Variants in LDB2 observed in about 807,000 individuals in gnomAD.
LDB2 encodes LIM domain-binding protein 2.
A neutral mutation model predicts 44.3 loss-of-function variants in LDB2; 12 were observed. That is an observed-to-expected ratio of 0.27 (90% confidence interval 0.17 to 0.44). The LOEUF (loss-of-function observed/expected upper bound fraction) is 0.44. Among genes scored for constraint, LDB2 ranks in the 20% least tolerant of loss-of-function variants. LDB2 has a pLI of 1.00. For missense variants in LDB2, 344 were observed against 473.5 expected (o/e 0.73, Z 2.54); for synonymous variants, 164 against 174.8 (o/e 0.94, Z 0.49).
chr4:16,623,013 T>A (rs1729308050), intron 2 of LDB2, among the ~76,000 whole-genome samples: 1 of 152,192 alleles, frequency 6.6e-6, no homozygotes, highest in Non-Finnish European at 1.5e-5. Context: ...CACTATTCTA[T>A]TCCAAAACCA....
chr4:16,775,833 A>G (rs1021255852), intron 1 of LDB2, among the ~76,000 whole-genome samples: 1 of 152,142 alleles, frequency 6.6e-6, no homozygotes, highest in African/African-American at 2.4e-5. Context: ...GCAAAAGAGC[A>G]AGGACCTATC....
chr4:16,715,192 C>A (rs1006067458), intron 2 of LDB2, among the ~76,000 whole-genome samples: 1 of 152,156 alleles, frequency 6.6e-6, no homozygotes, highest in African/African-American at 2.4e-5. Flanking sequence ...GCCCACATTA[C>A]CCAGGTATTA....
chr4:16,854,770 AAG>A (rs1360447046), intron 1 of LDB2, among the ~76,000 whole-genome samples: 2 of 151,456 alleles, frequency 1.3e-5, no homozygotes, highest in Non-Finnish European at 2.9e-5. Flanking sequence ...AGGAGAATTA[AAG>A]AGTGATATAC....
intron 5 of LDB2, among the ~76,000 whole-genome samples, chr4:16,531,692 G>C (rs1471146965): frequency 1.3e-5 from 2 of 152,150 alleles, no homozygotes; most frequent in Non-Finnish European, 2.9e-5. Flanking sequence ...ATAAATCATG[G>C]ATTTAGAGAA....
intron 2 of LDB2, among the ~76,000 whole-genome samples, chr4:16,618,641 A>C (rs1728037189): frequency 6.6e-6 from 1 of 152,196 alleles, no homozygotes; most frequent in Admixed American, 6.5e-5. Flanking sequence ...TTCAACAGAG[A>C]GGACAGTGCG....
At chr4:16,572,825 C>T (rs1019591638) in intron 5 of LDB2, among the ~76,000 whole-genome samples, 1 of 152,088 alleles carries the variant, frequency 6.6e-6, no homozygotes, top group African/African-American at 2.4e-5. Flanking sequence ...TGCCGCATTC[C>T]CATGGCTCCA....
At chr4:16,681,506 A>G (rs764716157) in intron 2 of LDB2, among the ~76,000 whole-genome samples, 1 of 152,114 alleles carries the variant, frequency 6.6e-6, no homozygotes, top group East Asian at 1.9e-4. Context: ...GAAAGATAAT[A>G]CATAGGTGTT....
chr4:16,566,157 T>C (rs979522549), intron 5 of LDB2, among the ~76,000 whole-genome samples: 19 of 152,028 alleles, frequency 1.2e-4, no homozygotes, highest in Non-Finnish European at 1.3e-4. Context: ...TACCAACTAA[T>C]TTATGTTCAA....
At chr4:16,799,858 C>A (rs559528606) in intron 1 of LDB2, among the ~76,000 whole-genome samples, 1 of 152,156 alleles carries the variant, frequency 6.6e-6, no homozygotes, top group Non-Finnish European at 1.5e-5. Context: ...ATATTTTTGA[C>A]ATACTTATAC....
chr4:16,520,235 C>G (rs1450966974), intron 5 of LDB2, among the ~76,000 whole-genome samples: 1 of 151,184 alleles, frequency 6.6e-6, no homozygotes, highest in African/African-American at 2.4e-5. Flanking sequence ...AAACTCTTAT[C>G]TAAGAGTGAA....
chr4:16,553,381 T>C (rs1412885021), intron 5 of LDB2, among the ~76,000 whole-genome samples: 1 of 152,064 alleles, frequency 6.6e-6, no homozygotes, highest in Non-Finnish European at 1.5e-5. Flanking sequence ...AGGCTTGTCT[T>C]GAACTCCTGG....
chr4:16,685,785 A>G lies in LDB2; in HGVS notation c.235+73373T>C, dbSNP rs144003988. Among the ~76,000 whole-genome samples the G allele has an allele frequency of 2.4e-3, 365 of 152,310 alleles. 3 individuals carry two copies. Among genetic ancestry groups the G allele is most frequent in the African/African-American group, 8.4e-3 (351 of 41,572 alleles). On this transcript the variant is annotated intron_variant, in intron 2 of 7. Coordinates refer to ENST00000304523, the MANE Select transcript of LDB2 (RefSeq NM_001290.5). ...CAAAAGAGGCCAGGCGCAGTGGTTC[A>G]TGCCTGTAATCCCAGCACTTTTGGA...
rs538780461 is a variant in LDB2, at chr4:16,755,252, C to T, written c.235+3906G>A. Among the ~76,000 whole-genome samples the T allele has an allele frequency of 4.7e-4, 71 of 152,250 alleles. 1 individual carries two copies. The highest frequency in any genetic ancestry group is 1.6e-3 in the African/African-American group (68 of 41,550). ...TTGAAACTAATAGCAAGTGATCAGC[C>T]TAACCCAAGACAGAGAAGGAAATAG... On this transcript the variant is annotated intron_variant, in intron 2 of 7. Transcript: ENST00000304523.
intron 1 of LDB2, among the ~76,000 whole-genome samples, chr4:16,789,416 A>T (rs1001418531): frequency 2.6e-5 from 4 of 152,234 alleles, no homozygotes; most frequent in African/African-American, 9.6e-5. Context: ...AAGGAGAGTG[A>T]GAGAAGAAAC....
chr4:16,728,266 T>C (rs1759962005), intron 2 of LDB2, among the ~76,000 whole-genome samples: 1 of 152,156 alleles, frequency 6.6e-6, no homozygotes, highest in African/African-American at 2.4e-5. Flanking sequence ...AAATCCTTCA[T>C]GCAACAAGAA....
In LDB2 at chr4:16,588,740, C is replaced by T. The variant is rs753404871; in HGVS notation, c.501G>A (p.Glu167=). ...TWHFTIRQYR[E]LVPRSILAMH... ...TGGCTAGGATGCTTCTCGGGACTAA[C>T]TCTCGGTATTGTCTAATGGTAAAGT... Residue 167 remains glutamate, a synonymous_variant, in exon 4 of 8, where the codon GAG becomes GAA. Coordinates refer to ENST00000304523, the MANE Select transcript of LDB2 (RefSeq NM_001290.5). The T allele has an allele frequency of 1.2e-6, 2 of 1,613,968 alleles. No homozygotes were observed. Among genetic ancestry groups the T allele is most frequent in the South Asian group, 2.2e-5 (2 of 91,038 alleles).
chr4:16,793,990 C>T (rs1295687123), intron 1 of LDB2, among the ~76,000 whole-genome samples: 1 of 152,126 alleles, frequency 6.6e-6, no homozygotes, highest in African/African-American at 2.4e-5. Context: ...GATTTACCAG[C>T]TAAAGGTCAT....
chr4:16,800,648 G>A (rs773151295), intron 1 of LDB2, among the ~76,000 whole-genome samples: 3 of 152,156 alleles, frequency 2.0e-5, no homozygotes, highest in Non-Finnish European at 4.4e-5. Context: ...TGGATAGAGA[G>A]GAATAGAAGA....
chr4:16,643,869 G>A (rs1735910234), intron 2 of LDB2, among the ~76,000 whole-genome samples: 1 of 152,144 alleles, frequency 6.6e-6, no homozygotes, highest in Non-Finnish European at 1.5e-5. Context: ...TTTTCTTACA[G>A]AGTCTTGAGA....
Sources: allele counts gnomAD v4.1 joint callset (sites outside exome capture counted in the v4.1 genomes callset), GRCh38; gene constraint gnomAD v4.1.1; transcripts MANE v1.5; gene names NCBI Gene and HGNC (gene_info 2026-07-23, HGNC 2026-07-21).